Variants in ROCK2 observed in about 807,000 individuals in gnomAD.
The protein encoded by ROCK2 is Rho associated coiled-coil containing protein kinase 2, also known as rho-associated protein kinase 2.
ROCK2 carries 61 observed loss-of-function variants against 195.1 expected under a neutral mutation model. The ratio of observed to expected loss-of-function variants is 0.31; its 90% CI spans 0.25 to 0.39. The LOEUF is 0.39. Among genes scored for constraint, ROCK2 ranks in the 10% least tolerant of loss-of-function variants. The pLI is 1.00. For synonymous variants in ROCK2, 504 were observed against 545.5 expected, an observed-to-expected ratio of 0.92 and a Z score of 1.06; for missense variants, 1,109 against 1,637.4, an observed-to-expected ratio of 0.68 and a Z score of 5.57.
intron 3 of ROCK2, among the ~76,000 whole-genome samples, chr2:11,278,887 T>G (rs138665795): frequency 9.2e-5 from 14 of 152,284 alleles, no homozygotes; most frequent in African/African-American, 3.1e-4. Flanking sequence ...GTGCTGAGAT[T>G]ATAGGCATTA....
At chr2:11,207,975 T>C in intron 19 of ROCK2, 65 bp from the exon 20 acceptor site, 1 of 1,228,232 alleles carries the variant, frequency 8.1e-7, no homozygotes, top group Non-Finnish European at 1.1e-6. Flanking sequence ...TCAATGAAGT[T>C]GGTATAAAAT....
At chr2:11,241,768 T>G (rs865818587) in intron 4 of ROCK2, among the ~76,000 whole-genome samples, 3 of 152,220 alleles carry the variant, frequency 2.0e-5, no homozygotes, top group African/African-American at 7.2e-5. Context: ...CATTCTGGGC[T>G]GATCATAGGT....
rs570625239 is a variant in ROCK2 at position 11,305,932 on chromosome 2, G to A, written c.142-18196C>T. Among the ~76,000 whole-genome samples, 7 of 152,270 alleles carry A rather than the reference G, an allele frequency of 4.6e-5. No individual in the cohort carries two copies. In the East Asian group the frequency reaches 9.6e-4, roughly 21 times the overall value. On this transcript the variant is annotated intron_variant, in intron 1 of 32. Coordinates refer to ENST00000315872, the MANE Select transcript of ROCK2 (RefSeq NM_004850.5). ...AAGGACTGATGGTGACTTGTCAAGA[G>A]GACACATAAGCCAGTATGAAAGGGC...
chr2:11,260,328 A>G (rs1177905900), intron 3 of ROCK2, among the ~76,000 whole-genome samples: 2 of 151,408 alleles, frequency 1.3e-5, no homozygotes, highest in African/African-American at 2.4e-5. Flanking sequence ...GGTGCCTGTG[A>G]TTCCAGCTAC....
At chr2:11,231,729 A>C (rs1459217707) in intron 5 of ROCK2, among the ~76,000 whole-genome samples, 1 of 152,052 alleles carries the variant, frequency 6.6e-6, no homozygotes, top group Non-Finnish European at 1.5e-5. Context: ...CTGCATCCAG[A>C]AAGTTGTGTA....
intron 23 of ROCK2, 109 bp from the exon 24 acceptor site, chr2:11,198,883 CTTTTTTTTTTTTTT>C: frequency 2.1e-6 from 1 of 483,268 alleles, no homozygotes; most frequent in Non-Finnish European, 3.5e-6. Context: ...TCTTATTTTT[CTTTTTTTTTTTTTT>C]TTGAGACAGA....
chr2:11,216,582 C>A (rs936616122), intron 12 of ROCK2, among the ~76,000 whole-genome samples: 3 of 151,636 alleles, frequency 2.0e-5, no homozygotes, highest in African/African-American at 7.3e-5. Flanking sequence ...GCAATCTCAG[C>A]TCACTGCAAC....
At chr2:11,276,170 C>T (rs1258806053) in intron 3 of ROCK2, among the ~76,000 whole-genome samples, 2 of 152,142 alleles carry the variant, frequency 1.3e-5, no homozygotes, top group Admixed American at 6.5e-5. Context: ...AAGGCTTGTG[C>T]CACTTCTAGT....
In ROCK2 at chr2:11,320,899, CAG is replaced by C. The variant is rs1668379013; in HGVS notation, c.141+23095_141+23096del. On this transcript the variant is annotated intron_variant, in intron 1 of 32. Coordinates refer to ENST00000315872, the MANE Select transcript of ROCK2 (RefSeq NM_004850.5). ...CAATGCAGTTAACAGAACAGAGTAC[CAG>C]AGAGGAGGGAGGTGTACAGAGAAAG... 2.6e-5 allele frequency among the ~76,000 whole-genome samples: 4 copies of C among 152,244 alleles called. No homozygotes were observed. The South Asian group carries it at 8.3e-4, about 32-fold the overall frequency.
chr2:11,222,037 G>A, intron 8 of ROCK2, 46 bp downstream of exon 8: 2 of 1,151,550 alleles, frequency 1.7e-6, no homozygotes, highest in Non-Finnish European at 1.3e-6. Context: ...CAACTTATGA[G>A]TTTCAGAATG....
intron 3 of ROCK2, among the ~76,000 whole-genome samples, chr2:11,272,579 C>G (rs1666676565): frequency 6.6e-6 from 1 of 151,386 alleles, no homozygotes; most frequent in Non-Finnish European, 1.5e-5. Flanking sequence ...GAGGGCAGAG[C>G]TGTTAAAGAA....
At chr2:11,278,825 G>T (rs1197422349) in intron 3 of ROCK2, among the ~76,000 whole-genome samples, 1 of 152,082 alleles carries the variant, frequency 6.6e-6, no homozygotes, top group East Asian at 1.9e-4. Flanking sequence ...TGTTCGCCAG[G>T]CTGGTCTCGA....
intron 4 of ROCK2, among the ~76,000 whole-genome samples, chr2:11,247,961 G>A (rs1379746943): frequency 3.3e-5 from 5 of 151,978 alleles, no homozygotes; most frequent in Non-Finnish European, 7.4e-5. Flanking sequence ...GGTGGAGGTT[G>A]CAATGAGCGA....
intron 27 of ROCK2, among the ~76,000 whole-genome samples, chr2:11,195,821 G>A (rs144224235): frequency 1.2e-4 from 18 of 152,176 alleles, no homozygotes; most frequent in Admixed American, 2.6e-4. Flanking sequence ...GACCAATTAC[G>A]TACATTTTAG....
At chr2:11,309,395 G>A (rs967350947) in intron 1 of ROCK2, among the ~76,000 whole-genome samples, 5 of 152,194 alleles carry the variant, frequency 3.3e-5, no homozygotes, top group Non-Finnish European at 7.4e-5. Flanking sequence ...GTATATGTAC[G>A]CGTGTGTGCA....
chr2:11,217,376 A>G, intron 11 of ROCK2: 1 of 657,016 alleles, frequency 1.5e-6, no homozygotes, highest in Non-Finnish European at 2.8e-6. Flanking sequence ...GTACACATGT[A>G]TATATGAAAC....
chr2:11,189,335 T>C (rs1663327487), intron 32 of ROCK2, among the ~76,000 whole-genome samples: 1 of 152,206 alleles, frequency 6.6e-6, no homozygotes, highest in Non-Finnish European at 1.5e-5. Flanking sequence ...TTTTCTTGGA[T>C]GACCCTTTAC....
intron 1 of ROCK2, among the ~76,000 whole-genome samples, chr2:11,343,493 A>G (rs185663188): frequency 5.3e-5 from 8 of 152,348 alleles, no homozygotes; most frequent in African/African-American, 1.9e-4. Flanking sequence ...GCAAGTGAAA[A>G]CAGCAAAACT....
intron 10 of ROCK2, 125 bp downstream of exon 10, chr2:11,218,841 T>G: frequency 1.8e-6 from 1 of 568,824 alleles, no homozygotes; most frequent in Non-Finnish European, 3.2e-6. Context: ...TAAACTGTAT[T>G]ACACAAGGAA....
Sources: allele counts gnomAD v4.1 joint callset (sites outside exome capture counted in the v4.1 genomes callset), GRCh38; gene constraint gnomAD v4.1.1; transcripts MANE v1.5; gene names NCBI Gene and HGNC (gene_info 2026-07-23, HGNC 2026-07-21).